XDH: variants seen among roughly 807,000 people sequenced by gnomAD.
XDH encodes xanthine dehydrogenase, also known as xanthine dehydrogenase/oxidase.
XDH carries 138 observed loss-of-function variants against 156.1 expected under a neutral mutation model. That is an observed-to-expected ratio of 0.88 (90% CI 0.77 to 1.02). The LOEUF (loss-of-function observed/expected upper bound fraction) is 1.02, where lower values mean the gene tolerates loss of function less well. XDH is among the 50% of genes least tolerant of loss of function. The pLI, the probability that XDH is intolerant of heterozygous loss-of-function variation, is 0.00. For synonymous variants in XDH, 669 were observed against 625.7 expected (o/e 1.07, Z -1.03); for missense variants, 1,849 against 1,684.9 (o/e 1.10, Z -1.71).
intron 6 of XDH, among the ~76,000 whole-genome samples, chr2:31,390,548 G>A (rs1686734272): frequency 1.3e-5 from 2 of 152,192 alleles, no homozygotes; most frequent in South Asian, 4.1e-4. Flanking sequence ...TCACTGAGGT[G>A]CATGATAAGA....
chr2:31,375,657 C>G, intron 14 of XDH, 103 bp from the exon 15 acceptor site: 1 of 1,402,510 alleles, frequency 7.1e-7, no homozygotes, highest in Non-Finnish European at 9.7e-7. Flanking sequence ...AAGCTTGGTT[C>G]AAAATTTGGC....
intron 17 of XDH, 118 bp downstream of exon 17, chr2:31,372,110 T>A (rs1460530014): frequency 2.0e-6 from 3 of 1,487,522 alleles, no homozygotes; most frequent in African/African-American, 1.4e-5. Context: ...TGGGAGGTCC[T>A]GGAGGCACCT....
chr2:31,361,224 C>G (rs925977383), intron 24 of XDH, among the ~76,000 whole-genome samples: 1 of 152,256 alleles, frequency 6.6e-6, no homozygotes, highest in Admixed American at 6.5e-5. Context: ...GCAATCTTTA[C>G]TATTCCAACT....
intron 6 of XDH, among the ~76,000 whole-genome samples, chr2:31,388,566 C>A (rs1275294985): frequency 6.6e-6 from 1 of 152,206 alleles, no homozygotes; most frequent in East Asian, 1.9e-4. Flanking sequence ...AAAGCTAGGT[C>A]CTACTTTATC....
intron 4 of XDH, among the ~76,000 whole-genome samples, chr2:31,400,812 AGTAAGTG>A (rs1687038181): frequency 6.6e-6 from 1 of 152,210 alleles, no homozygotes; most frequent in Non-Finnish European, 1.5e-5. Flanking sequence ...CATTGCAGGG[AGTAAGTG>A]GGCTTATAAA....
chr2:31,365,358 CA>C (rs1685881213), intron 23 of XDH, 98 bp downstream of exon 23: 2 of 1,301,596 alleles, frequency 1.5e-6, no homozygotes, highest in South Asian at 1.2e-5. Context: ...TACAGATAGG[CA>C]AAAAGTAGGA....
chr2:31,352,751 C>CT (rs1257331106), intron 24 of XDH, among the ~76,000 whole-genome samples: 16 of 152,040 alleles, frequency 1.1e-4, no homozygotes, highest in Admixed American at 8.5e-4. Flanking sequence ...AAGAATAATT[C>CT]TTTTTTTGAA....
intron 26 of XDH, 67 bp downstream of exon 26, chr2:31,349,619 G>GA: frequency 6.2e-7 from 1 of 1,607,708 alleles, no homozygotes; most frequent in African/African-American, 1.3e-5. Context: ...TCCTATATGG[G>GA]GTCAGCAGAA....
In XDH at chr2:31,335,853, G is replaced by C. The variant is rs569028479; in HGVS notation, c.*105C>G. On this transcript the variant is annotated 3_prime_UTR_variant, in exon 36 of 36. Transcript: ENST00000379416. ...CAAATCCCATCTTGACAAATCACAG[G>C]TCTGTCATTCTGTGACTTTAATAGA... 3.9e-6 allele frequency: 5 copies of C among 1,285,838 alleles called. No individual in the cohort carries two copies. Among genetic ancestry groups the C allele is most frequent in the Non-Finnish European group, 5.7e-6 (5 of 882,862 alleles). 79.7% of individuals were successfully genotyped at this position (1,285,838 alleles called of 1,614,324 possible).
intron 6 of XDH, among the ~76,000 whole-genome samples, chr2:31,396,795 A>G (rs1686917965): frequency 6.6e-6 from 1 of 152,200 alleles, no homozygotes; most frequent in South Asian, 2.1e-4. Context: ...TTAATTCTTC[A>G]TCAGCAGCAG....
intron 16 of XDH, among the ~76,000 whole-genome samples, chr2:31,373,493 C>A (rs539086907): frequency 6.6e-6 from 1 of 152,190 alleles, no homozygotes; most frequent in African/African-American, 2.4e-5. Flanking sequence ...TTTGCTGACC[C>A]TTTACGTAGC....
At chr2:31,336,484 C>G (rs775423619) in intron 35 of XDH, among the ~76,000 whole-genome samples, 2 of 151,970 alleles carry the variant, frequency 1.3e-5, no homozygotes, top group African/African-American at 4.8e-5. Flanking sequence ...GGGAGCCATG[C>G]CACCCACTCC....
At chr2:31,354,046 G>C (rs115903524) in intron 24 of XDH, among the ~76,000 whole-genome samples, 3,318 of 152,290 alleles carry the variant, frequency 0.022, 54 homozygotes, top group Middle Eastern at 0.061. Context: ...CTAGTGAAGA[G>C]TCAAGGCTTT....
chr2:31,381,843 T>C (rs894498455), intron 11 of XDH, 117 bp from the exon 12 acceptor site: 6 of 880,496 alleles, frequency 6.8e-6, no homozygotes, highest in Non-Finnish European at 1.9e-6. Context: ...CCTGAGGTCC[T>C]GTGCCTACTG....
chr2:31,402,166 A>G (rs1687077873), intron 3 of XDH, among the ~76,000 whole-genome samples: 1 of 152,156 alleles, frequency 6.6e-6, no homozygotes, highest in Non-Finnish European at 1.5e-5. Flanking sequence ...TTATATTAAA[A>G]AAAAGCCTTA....
chr2:31,407,025 C>G (rs970558684), intron 1 of XDH, among the ~76,000 whole-genome samples: 2 of 152,172 alleles, frequency 1.3e-5, no homozygotes, highest in Non-Finnish European at 2.9e-5. Context: ...ACTCTTCACA[C>G]ATTACCAAAG....
intron 12 of XDH, among the ~76,000 whole-genome samples, chr2:31,380,787 C>T (rs1021746641): frequency 7.2e-5 from 11 of 152,234 alleles, no homozygotes; most frequent in African/African-American, 2.6e-4. Flanking sequence ...ATATCAGAGC[C>T]GGGGTGGTCT....
intron 6 of XDH, among the ~76,000 whole-genome samples, chr2:31,390,204 C>T (rs958015860): frequency 6.6e-6 from 1 of 152,196 alleles, no homozygotes; most frequent in Non-Finnish European, 1.5e-5. Flanking sequence ...CTGGCAACCA[C>T]TAGTCTTTTT....
chr2:31,385,022 G>T (rs988869928), intron 9 of XDH, among the ~76,000 whole-genome samples: 1 of 152,110 alleles, frequency 6.6e-6, no homozygotes, highest in Non-Finnish European at 1.5e-5. Flanking sequence ...CATTTCTCTT[G>T]GAATCCAACT....
Sources: gnomAD v4.1 joint callset for allele counts (sites outside exome capture counted in the v4.1 genomes callset) on GRCh38, gnomAD v4.1.1 for gene constraint, MANE v1.5 for transcripts, NCBI Gene and HGNC (gene_info 2026-07-23, HGNC 2026-07-21) for gene names.